The following LTBP1 variants were observed in gnomAD, a reference collection of about 807,000 sequenced individuals.
LTBP1 encodes latent-transforming growth factor beta-binding protein 1.
A neutral mutation model predicts 207.6 loss-of-function variants in LTBP1; 129 were observed. The ratio of observed to expected loss-of-function variants is 0.62; its 90% CI spans 0.54 to 0.72. LTBP1 has a LOEUF of 0.72. Ranked by LOEUF, LTBP1 falls within the 30% of genes least tolerant of loss-of-function variation. The probability of loss-of-function intolerance (pLI) is 0.00; values close to 1 mark genes in which losing one functional copy is unlikely to be tolerated. For synonymous variants in LTBP1, 963 were observed against 833.7 expected (o/e 1.16, Z -2.67); for missense variants, 2,281 against 2,217.2 (o/e 1.03, Z -0.58).
At chr2:33,241,491 T>A (rs2092320873) in intron 9 of LTBP1, among the ~76,000 whole-genome samples, 2 of 151,968 alleles carry the variant, frequency 1.3e-5, no homozygotes, top group African/African-American at 4.8e-5. Context: ...TATTTATGAG[T>A]CTGGGGGGAA....
At chr2:33,222,331 T>C (rs2091163676) in intron 9 of LTBP1, among the ~76,000 whole-genome samples, 180 bp downstream of exon 9, 1 of 152,254 alleles carries the variant, frequency 6.6e-6, no homozygotes, top group Admixed American at 6.5e-5. Context: ...TTGGAATTGC[T>C]TTACTACCAC....
intron 7 of LTBP1, among the ~76,000 whole-genome samples, chr2:33,200,200 G>T (rs2089057831): frequency 6.6e-6 from 1 of 152,144 alleles, no homozygotes; most frequent in South Asian, 2.1e-4. Context: ...AAAGCTGGAG[G>T]CATCACGCTA....
intron 5 of LTBP1, among the ~76,000 whole-genome samples, chr2:33,165,614 TG>T (rs2084845713): frequency 6.6e-6 from 1 of 152,230 alleles, no homozygotes; most frequent in Non-Finnish European, 1.5e-5. Context: ...TCTCCCAGTA[TG>T]GGGACCTTCT....
intron 5 of LTBP1, among the ~76,000 whole-genome samples, chr2:33,156,176 T>G (rs1168388954): frequency 2.0e-5 from 3 of 151,766 alleles, no homozygotes. Flanking sequence ...CCCGAAGAGG[T>G]TAAGTCACTT....
chr2:33,327,085 T>C (rs939807772), intron 24 of LTBP1, among the ~76,000 whole-genome samples: 1 of 152,140 alleles, frequency 6.6e-6, no homozygotes, highest in African/African-American at 2.4e-5. Flanking sequence ...TGAAAGGACA[T>C]GTGGAGTGGG....
At chr2:33,244,160 G>A (rs908447768) in intron 10 of LTBP1, among the ~76,000 whole-genome samples, 2 of 152,122 alleles carry the variant, frequency 1.3e-5, no homozygotes, top group African/African-American at 4.8e-5. Flanking sequence ...CATTCTTTAG[G>A]TTGAATTGAA....
At chr2:32,995,114 T>C (rs965256110) in intron 2 of LTBP1, among the ~76,000 whole-genome samples, 7 of 151,926 alleles carry the variant, frequency 4.6e-5, no homozygotes, top group South Asian at 2.1e-4. Context: ...AGCTGAGAAG[T>C]TTAAAGCTGC....
intron 3 of LTBP1, among the ~76,000 whole-genome samples, chr2:33,082,672 G>C (rs2078513153): frequency 6.6e-6 from 1 of 152,030 alleles, no homozygotes; most frequent in Non-Finnish European, 1.5e-5. Flanking sequence ...TGATCCGCCT[G>C]CCACAGCCTC....
intron 3 of LTBP1, among the ~76,000 whole-genome samples, chr2:33,060,355 A>G (rs2149615787): frequency 6.6e-6 from 1 of 152,256 alleles, no homozygotes. Context: ...ATACACACAG[A>G]TAATTGACGT....
In LTBP1 at chr2:33,078,857, C is replaced by CTTTTTTTTT. The variant is rs879714056; in HGVS notation, c.864-31721_864-31720insTTTTTTTTT. ...CTTCTCTTCTGTTTTCTTTTCTTTTCTTTTCTTTTTTTTTTTTTTTGAGAC... is the reference window on the plus strand; with the variant it reads ...CTTCTCTTCTGTTTTCTTTTCTTTTCTTTTTTTTTTTTTCTTTTTTTTTTTTTTTGAGAC... On this transcript the variant is annotated intron_variant, in intron 3 of 33. Transcript: ENST00000404816. 8.3e-3 allele frequency among the ~76,000 whole-genome samples: 768 copies of CTTTTTTTTT among 92,024 alleles called. 12 individuals carry two copies. Among genetic ancestry groups the CTTTTTTTTT allele is most frequent in the Non-Finnish European group, 0.012 (545 of 44,566 alleles). 60.4% of individuals were successfully genotyped at this position (92,024 alleles called of 152,430 possible).
intron 2 of LTBP1, among the ~76,000 whole-genome samples, chr2:33,004,959 T>C (rs1206959628): frequency 6.6e-6 from 1 of 152,028 alleles, no homozygotes. Flanking sequence ...TGAAAATGCA[T>C]GGATATGGAG....
intron 13 of LTBP1, among the ~76,000 whole-genome samples, chr2:33,260,359 A>C (rs1486549315): frequency 3.3e-5 from 5 of 152,186 alleles, no homozygotes; most frequent in Non-Finnish European, 7.4e-5. Context: ...ATGGGATCTC[A>C]ATGCATGTAA....
chr2:33,251,086 T>C (rs2092670944), intron 10 of LTBP1, among the ~76,000 whole-genome samples: 1 of 152,196 alleles, frequency 6.6e-6, no homozygotes, highest in African/African-American at 2.4e-5. Context: ...CAGTGTACGC[T>C]GCCCTCGGGC....
intron 3 of LTBP1, among the ~76,000 whole-genome samples, chr2:33,108,694 G>A (rs1409688964): frequency 6.6e-6 from 1 of 152,080 alleles, no homozygotes; most frequent in African/African-American, 2.4e-5. Context: ...GAGCTAGCCT[G>A]TACATCTCTC....
intron 3 of LTBP1, among the ~76,000 whole-genome samples, chr2:33,026,301 T>A (rs1337273879): frequency 6.6e-6 from 1 of 152,176 alleles, no homozygotes; most frequent in Non-Finnish European, 1.5e-5. Flanking sequence ...TCTTGTGTGC[T>A]TTCCTGTACT....
chr2:33,221,091 T>C (rs1164949528), intron 8 of LTBP1, among the ~76,000 whole-genome samples: 1 of 152,224 alleles, frequency 6.6e-6, no homozygotes, highest in Admixed American at 6.5e-5. Flanking sequence ...CCCATTTTGA[T>C]TATAGCTTGT....
In LTBP1 at chr2:32,948,944, A is replaced by G; in HGVS notation, c.564A>G (p.Lys188=). ...SKAPGSQRCT[K]PSCVPPCQNG... is the part of the protein sequence containing the mutation. ...CCCCTGGCTCCCAGAGGTGCACCAA[A>G]CGTAAGTTGCCATGTTCACAGTGGC... Residue 188 remains lysine (K), a splice_region_variant and synonymous_variant, in exon 2 of 34, where the codon AAA becomes AAG. Transcript: ENST00000404816. 2 of 1,614,092 alleles carry G rather than the reference A, an allele frequency of 1.2e-6. No homozygotes were observed. Among genetic ancestry groups the G allele is most frequent in the Admixed American group, 3.3e-5 (2 of 60,022 alleles).
intron 3 of LTBP1, among the ~76,000 whole-genome samples, chr2:33,035,302 CTA>C (rs1558542365): frequency 1.3e-5 from 2 of 152,192 alleles, no homozygotes; most frequent in Admixed American, 6.5e-5. Context: ...TTCTAACTGG[CTA>C]TATACCTTGA....
intron 5 of LTBP1, among the ~76,000 whole-genome samples, chr2:33,140,943 C>T (rs570498747): frequency 2.0e-5 from 3 of 152,326 alleles, no homozygotes; most frequent in African/African-American, 7.2e-5. Flanking sequence ...GGATTACAGG[C>T]GTAAGCCACC....
Sources: allele counts gnomAD v4.1 joint callset (sites outside exome capture counted in the v4.1 genomes callset), GRCh38; gene constraint gnomAD v4.1.1; transcripts MANE v1.5; gene names NCBI Gene and HGNC (gene_info 2026-07-23, HGNC 2026-07-21).